CDC14B: variants seen among roughly 807,000 people sequenced by gnomAD.
The protein encoded by CDC14B is cell division cycle 14B, also known as dual specificity protein phosphatase CDC14B.
In CDC14B, 22 loss-of-function variants were observed where a neutral mutation model predicts 64.2. The ratio of observed to expected loss-of-function variants is 0.34; its 90% CI spans 0.24 to 0.49. The LOEUF (loss-of-function observed/expected upper bound fraction) is 0.49. CDC14B is among the 20% of genes least tolerant of loss of function. The pLI is 0.99. For synonymous variants in CDC14B, 191 were observed against 215.8 expected (o/e 0.89, Z 1.01); for missense variants, 498 against 629.9 (o/e 0.79, Z 2.24).
intron 1 of CDC14B, among the ~76,000 whole-genome samples, chr9:96,598,890 ATAT>A (rs1273028932): frequency 5.3e-5 from 8 of 152,232 alleles, no homozygotes; most frequent in Non-Finnish European, 1.2e-4. Context: ...GATCTTTTGT[ATAT>A]TATAAAGTGA....
At chr9:96,546,802 C>T (rs2131964662) in intron 5 of CDC14B, among the ~76,000 whole-genome samples, 1 of 151,744 alleles carries the variant, frequency 6.6e-6, no homozygotes, top group Non-Finnish European at 1.5e-5. Context: ...GTGGCTCATG[C>T]CTGTAATCCC....
intron 1 of CDC14B, among the ~76,000 whole-genome samples, chr9:96,596,877 A>G (rs1846116120): frequency 6.6e-6 from 1 of 152,076 alleles, no homozygotes; most frequent in Non-Finnish European, 1.5e-5. Context: ...AAAAAAAAAA[A>G]AAGTGTAAGA....
intron 1 of CDC14B, among the ~76,000 whole-genome samples, chr9:96,588,482 T>C (rs1208917529): frequency 2.6e-5 from 4 of 152,164 alleles, no homozygotes; most frequent in Non-Finnish European, 4.4e-5. Flanking sequence ...GTACTTAAAT[T>C]TATAGGGCTT....
intron 1 of CDC14B, among the ~76,000 whole-genome samples, chr9:96,576,867 T>C (rs2118197767): frequency 6.6e-6 from 1 of 152,304 alleles, no homozygotes; most frequent in East Asian, 1.9e-4. Flanking sequence ...GGGTATTCAG[T>C]TGTCATGTGT....
intron 1 of CDC14B, among the ~76,000 whole-genome samples, chr9:96,596,828 C>T (rs1319332519): frequency 6.6e-6 from 1 of 151,148 alleles, no homozygotes; most frequent in Non-Finnish European, 1.5e-5. Flanking sequence ...CACTACACTC[C>T]AGCCTGGACG....
rs1275311420 is a variant in CDC14B at position 96,500,606 on chromosome 9, C to T, written c.*3147G>A. ...CTCCACTGAGTGACATGGAGAATAA[C>T]CTGATGTGGGTAAATGGAAGAGCAG... On this transcript the variant is annotated 3_prime_UTR_variant, in exon 14 of 14. Coordinates refer to ENST00000375241, the MANE Select transcript of CDC14B (RefSeq NM_033331.4). The T allele has an allele frequency of 1.3e-5, 2 of 152,594 alleles. No homozygotes were observed. The highest frequency in any genetic ancestry group is 2.4e-5 in the African/African-American group (1 of 41,430). The allele number at this position is 152,594 out of a possible 1,614,324, so 9.5% of individuals were successfully genotyped here. A position where few individuals can be genotyped will look rare whatever the true frequency, so the allele number is the denominator to read the frequency against.
At chr9:96,517,972 T>G (rs1836003677) in intron 12 of CDC14B, among the ~76,000 whole-genome samples, 2 of 151,900 alleles carry the variant, frequency 1.3e-5, no homozygotes, top group Admixed American at 1.3e-4. Context: ...GTGTCCAGCC[T>G]CAGCTTGGTG....
chr9:96,596,863 TAAA>T (rs79431845), intron 1 of CDC14B, among the ~76,000 whole-genome samples: 1 of 132,602 alleles, frequency 7.5e-6, no homozygotes, highest in Non-Finnish European at 1.6e-5. Context: ...TCTCTATCTT[TAAA>T]AAAAAAAAAA....
chr9:96,508,474 C>T lies in CDC14B; in HGVS notation c.1460+1199G>A, dbSNP rs142868668. Among the ~76,000 whole-genome samples the T allele has an allele frequency of 3.9e-5, 6 of 152,300 alleles. No individual in the cohort carries two copies. The East Asian group carries it at 7.7e-4, about 20-fold the overall frequency. ...ACACTCCGCTATTGTTCCAATGTAC[C>T]GAAATCTTTGACCTTTGGTCAGTAT... On this transcript the variant is annotated intron_variant, in intron 13 of 13. Transcript: ENST00000375241.
rs552058962 is a variant in CDC14B at position 96,500,139 on chromosome 9, T to G, written c.*3614A>C. On this transcript the variant is annotated 3_prime_UTR_variant, in exon 14 of 14. Coordinates refer to ENST00000375241, the MANE Select transcript of CDC14B (RefSeq NM_033331.4). The stretch of plus-strand genomic sequence containing the variant: ...TGGGTTAATACTTTTAATTACATGA[T>G]TGTAATTATACAATTTCCACTATTC... The G allele has an allele frequency of 4.1e-4, 63 of 152,810 alleles. No homozygotes were observed. The highest frequency in any genetic ancestry group is 1.0e-3 in the Admixed American group (16 of 15,306). The allele number at this position is 152,810 out of a possible 1,614,324, so 9.5% of individuals were successfully genotyped here.
intron 9 of CDC14B, among the ~76,000 whole-genome samples, chr9:96,524,311 T>C (rs911819330): frequency 1.3e-5 from 2 of 152,242 alleles, no homozygotes; most frequent in African/African-American, 4.8e-5. Context: ...ATCTTCCAGA[T>C]GATTCTATGT....
chr9:96,567,507 C>T (rs548100510), intron 1 of CDC14B, among the ~76,000 whole-genome samples: 5 of 152,248 alleles, frequency 3.3e-5, no homozygotes, highest in Non-Finnish European at 7.3e-5. Flanking sequence ...AGATCAGCTG[C>T]CTCAGAGAAA....
chr9:96,571,237 G>A (rs936950502), intron 1 of CDC14B, among the ~76,000 whole-genome samples: 5 of 151,244 alleles, frequency 3.3e-5, no homozygotes, highest in African/African-American at 9.8e-5. Flanking sequence ...GTGCAGTGGC[G>A]CAATCTCAGC....
intron 9 of CDC14B, among the ~76,000 whole-genome samples, chr9:96,529,345 T>C (rs1447349438): frequency 6.6e-6 from 1 of 152,194 alleles, no homozygotes; most frequent in African/African-American, 2.4e-5. Context: ...CCTTTCCCCA[T>C]TGAGTGGTTT....
chr9:96,556,921 G>C (rs920122690), intron 4 of CDC14B, among the ~76,000 whole-genome samples: 4 of 152,178 alleles, frequency 2.6e-5, no homozygotes, highest in African/African-American at 7.2e-5. Flanking sequence ...ATTATTGATG[G>C]AAGAGGGCCT....
intron 1 of CDC14B, among the ~76,000 whole-genome samples, chr9:96,607,070 C>T (rs937765109): frequency 6.6e-6 from 1 of 150,738 alleles, no homozygotes; most frequent in Non-Finnish European, 1.5e-5. Context: ...AATTCCTAAT[C>T]CAGAGCTTTG....
intron 1 of CDC14B, among the ~76,000 whole-genome samples, chr9:96,605,134 AG>A (rs1190523395): frequency 6.6e-6 from 1 of 152,142 alleles, no homozygotes; most frequent in Admixed American, 6.5e-5. Flanking sequence ...AATGGTTGAG[AG>A]GGAACCAGCT....
At chr9:96,565,223 GT>G (rs374778529) in intron 2 of CDC14B, among the ~76,000 whole-genome samples, 169 bp downstream of exon 2, 8,017 of 141,256 alleles carry the variant, frequency 0.057, 660 homozygotes, top group African/African-American at 0.19. Flanking sequence ...ATTTAGGGAG[GT>G]TTTTTTTTTT....
chr9:96,495,349 C>T (rs1252618625), downstream of CDC14B, among the ~76,000 whole-genome samples: 2 of 152,010 alleles, frequency 1.3e-5, no homozygotes, highest in Non-Finnish European at 2.9e-5. Flanking sequence ...GGACTGAGGG[C>T]GCCTTCAGCA....
Sources: allele counts gnomAD v4.1 joint callset (sites outside exome capture counted in the v4.1 genomes callset), GRCh38; gene constraint gnomAD v4.1.1; transcripts MANE v1.5; gene names NCBI Gene and HGNC (gene_info 2026-07-23, HGNC 2026-07-21).